The following NUP214 variants were observed in gnomAD, a reference collection of about 807,000 sequenced individuals.
NUP214 encodes the protein nuclear pore complex protein Nup214.
A neutral mutation model predicts 196.2 loss-of-function variants in NUP214; 79 were observed. That is an observed-to-expected ratio of 0.40 (90% CI 0.34 to 0.49). NUP214 has a LOEUF of 0.49. Ranked by LOEUF, NUP214 falls within the 20% of genes least tolerant of loss-of-function variation. The probability of loss-of-function intolerance (pLI) is 0.58; values close to 1 mark genes in which losing one functional copy is unlikely to be tolerated. For missense variants in NUP214, 2,468 were observed against 2,539.0 expected (o/e 0.97, Z 0.60); for synonymous variants, 1,020 against 990.5 (o/e 1.03, Z -0.56).
intron 28 of NUP214, among the ~76,000 whole-genome samples, chr9:131,195,955 G>A (rs1833765493): frequency 7.3e-6 from 1 of 137,788 alleles, no homozygotes; most frequent in Non-Finnish European, 1.5e-5. Flanking sequence ...AACCTGGGAG[G>A]CAAGGTTGCA....
intron 21 of NUP214, 32 bp downstream of exon 21, chr9:131,164,176 A>C: frequency 6.2e-7 from 1 of 1,601,494 alleles, no homozygotes; most frequent in South Asian, 1.1e-5. Flanking sequence ...GCCTGTACAT[A>C]GTGATAGGGT....
intron 10 of NUP214, 50 bp from the exon 11 acceptor site, chr9:131,140,499 A>G: frequency 3.3e-6 from 5 of 1,514,658 alleles, no homozygotes; most frequent in African/African-American, 1.4e-5. Context: ...TTCTGGGCTC[A>G]GGCCCTTAAA....
At position 131,192,977 on chromosome 9, in the gene NUP214, G is replaced by C. The variant is rs558301482; in HGVS notation, c.3659+685G>C. On this transcript the variant is annotated intron_variant, in intron 27 of 35. Transcript: ENST00000359428. ...AAAAAAAAAAAAAAAAAGGCTTACT[G>C]CATCGAGAGTACAGTATACTAAACT... Among the ~76,000 whole-genome samples the C allele has an allele frequency of 1.2e-4, 17 of 141,992 alleles. No individual in the cohort carries two copies. In the South Asian group the frequency reaches 3.8e-3, roughly 32 times the overall value. The allele number at this position is 141,992 out of a possible 152,430, so 93.2% of individuals were successfully genotyped here.
chr9:131,173,916 C>A (rs140809908), intron 21 of NUP214, 139 bp from the exon 22 acceptor site: 3 of 1,134,218 alleles, frequency 2.6e-6, no homozygotes, highest in African/African-American at 3.2e-5. Flanking sequence ...TTTGACAATA[C>A]CTGCTCCCAC....
chr9:131,185,617 T>C (rs1170274092), intron 24 of NUP214, among the ~76,000 whole-genome samples: 2 of 152,268 alleles, frequency 1.3e-5, no homozygotes, highest in African/African-American at 4.8e-5. Context: ...TCCATTGTTT[T>C]GGTTCATGCT....
At chr9:131,205,550 A>G (rs1478220812) in intron 30 of NUP214, among the ~76,000 whole-genome samples, 1 of 152,252 alleles carries the variant, frequency 6.6e-6, no homozygotes, top group Non-Finnish European at 1.5e-5. Flanking sequence ...TTCACAGCAG[A>G]ATATTCTTAA....
chr9:131,137,443 C>T (rs1457867195), intron 9 of NUP214, among the ~76,000 whole-genome samples: 1 of 152,082 alleles, frequency 6.6e-6, no homozygotes, highest in Admixed American at 6.6e-5. Context: ...TCACACATGG[C>T]CCCCAGTCCC....
chr9:131,233,382 C>T, intron 35 of NUP214, 72 bp from the exon 36 acceptor site: 1 of 1,463,518 alleles, frequency 6.8e-7, no homozygotes, highest in Middle Eastern at 2.3e-4. Context: ...TGCACACAGG[C>T]AGAGCAGCAG....
chr9:131,203,492 T>C (rs888188615), intron 30 of NUP214, among the ~76,000 whole-genome samples: 5 of 152,234 alleles, frequency 3.3e-5, no homozygotes, highest in African/African-American at 1.2e-4. Context: ...AGAATTTGTA[T>C]TAGTCCGGCA....
chr9:131,223,872 C>T, intron 32 of NUP214, among the ~76,000 whole-genome samples: 1 of 150,120 alleles, frequency 6.7e-6, no homozygotes, highest in African/African-American at 2.4e-5. Flanking sequence ...GTAGCTGGGA[C>T]TACAGGCGCC....
Position 131,129,330 on chromosome 9 carries a change from G to A in NUP214, c.445G>A (p.Gly149Arg), listed in dbSNP as rs1369759736. The A allele has an allele frequency of 1.2e-6, 2 of 1,614,096 alleles. No homozygotes were observed. Among genetic ancestry groups the A allele is most frequent in the African/African-American group, 2.7e-5 (2 of 74,934 alleles). Reference sequence around the variant, plus strand: ...CTATCATAAGCTTTTGAAAGATGCAGGAGGCATGGTGATTGATATGAAGTG... The same window carrying A: ...CTATCATAAGCTTTTGAAAGATGCAAGAGGCATGGTGATTGATATGAAGTG... ...FAYHKLLKDA[G>R]GMVIDMKWNP... The change falls in exon 4 of 36, where the codon GGA becomes AGA. Residue 149 changes from glycine to arginine, a missense_variant. Coordinates refer to ENST00000359428, the MANE Select transcript of NUP214 (RefSeq NM_005085.4).
At chr9:131,207,926 G>A (rs556663579) in intron 30 of NUP214, among the ~76,000 whole-genome samples, 3 of 152,116 alleles carry the variant, frequency 2.0e-5, no homozygotes, top group Non-Finnish European at 2.9e-5. Context: ...AGTGATGGGG[G>A]CAAGCAAAAT....
At chr9:131,226,444 CCT>C (rs922117341) in intron 32 of NUP214, among the ~76,000 whole-genome samples, 3 of 151,838 alleles carry the variant, frequency 2.0e-5, no homozygotes, top group African/African-American at 7.3e-5. Flanking sequence ...AACCGCCACC[CCT>C]CCCCTGTCCA....
intron 28 of NUP214, among the ~76,000 whole-genome samples, chr9:131,196,403 C>G (rs1023250042): frequency 2.0e-5 from 3 of 152,170 alleles, no homozygotes; most frequent in Non-Finnish European, 4.4e-5. Flanking sequence ...CCTCGTGATC[C>G]ACGTGCCTTG....
chr9:131,131,933 C>T (rs145185553), intron 5 of NUP214, among the ~76,000 whole-genome samples: 3,009 of 152,022 alleles, frequency 0.02, 42 homozygotes, highest in Non-Finnish European at 0.029. Flanking sequence ...AAGCAGTGTG[C>T]CCACCTTGGC....
At chr9:131,154,926 G>A (rs1588136142) in intron 17 of NUP214, among the ~76,000 whole-genome samples, 1 of 152,172 alleles carries the variant, frequency 6.6e-6, no homozygotes, top group Non-Finnish European at 1.5e-5. Flanking sequence ...CCATATTTTT[G>A]CAATTGTGAA....
At chr9:131,230,546 A>T in intron 33 of NUP214, 84 bp from the exon 34 acceptor site, 1 of 1,529,324 alleles carries the variant, frequency 6.5e-7, no homozygotes. Flanking sequence ...GTGTATTGGG[A>T]CTTACAGCAG....
chr9:131,195,983 C>T (rs939433797), intron 28 of NUP214, among the ~76,000 whole-genome samples: 17 of 139,906 alleles, frequency 1.2e-4, no homozygotes, highest in Non-Finnish European at 2.3e-4. Context: ...AAGATTGTGC[C>T]ATTGCACTCC....
chr9:131,127,071 C>A (rs1588118435), intron 1 of NUP214: 2 of 153,368 alleles, frequency 1.3e-5, no homozygotes, highest in South Asian at 4.1e-4. Flanking sequence ...CAGACAAATT[C>A]ATGAAGTGTT....
Sources: allele counts gnomAD v4.1 joint callset (sites outside exome capture counted in the v4.1 genomes callset), GRCh38; gene constraint gnomAD v4.1.1; transcripts MANE v1.5; gene names NCBI Gene and HGNC (gene_info 2026-07-23, HGNC 2026-07-21).